Variants in PCMTD1 observed in about 807,000 individuals in gnomAD.
PCMTD1 encodes protein-L-isoaspartate O-methyltransferase domain-containing protein 1.
A neutral mutation model predicts 37.6 loss-of-function variants in PCMTD1; 12 were observed. The observed-to-expected ratio is 0.32, with a 90% CI of 0.20 to 0.52. The LOEUF (loss-of-function observed/expected upper bound fraction) is 0.52, where lower values mean the gene tolerates loss of function less well. Among genes scored for constraint, PCMTD1 ranks in the 20% least tolerant of loss-of-function variants. The pLI is 0.97. For synonymous variants in PCMTD1, 117 were observed against 135.8 expected (o/e 0.86, Z 0.96); for missense variants, 235 against 421.3 (o/e 0.56, Z 3.87).
chr8:51,893,893 T>C (rs2038967442), intron 1 of PCMTD1, among the ~76,000 whole-genome samples: 1 of 152,238 alleles, frequency 6.6e-6, no homozygotes, highest in African/African-American at 2.4e-5. Context: ...ATCATTTTCA[T>C]ACTTATTTAC....
chr8:51,824,442 C>T (rs952667534), intron 5 of PCMTD1, among the ~76,000 whole-genome samples: 4 of 152,128 alleles, frequency 2.6e-5, no homozygotes, highest in Non-Finnish European at 4.4e-5. Flanking sequence ...AACTCCCATT[C>T]GCAATTGCTA....
At chr8:51,838,519 T>A (rs2038099763) in intron 3 of PCMTD1, among the ~76,000 whole-genome samples, 1 of 152,036 alleles carries the variant, frequency 6.6e-6, no homozygotes, top group Non-Finnish European at 1.5e-5. Context: ...GGTAAATGTT[T>A]ACTGATATTT....
chr8:51,870,419 T>G (rs558984177), intron 1 of PCMTD1: 1 of 152,258 alleles, frequency 6.6e-6, no homozygotes, highest in South Asian at 2.1e-4. Flanking sequence ...GAAATATAAA[T>G]AAAGAATTAT....
chr8:51,856,786 T>C (rs932038387), intron 2 of PCMTD1, among the ~76,000 whole-genome samples: 3 of 152,296 alleles, frequency 2.0e-5, no homozygotes, highest in Non-Finnish European at 2.9e-5. Context: ...TTCATTTATA[T>C]GAAATGTCCA....
chr8:51,839,326 G>C (rs2038113038), intron 3 of PCMTD1: 1 of 360,294 alleles, frequency 2.8e-6, no homozygotes. Context: ...AAAAGTAATT[G>C]ACATACTCTT....
intron 1 of PCMTD1, among the ~76,000 whole-genome samples, chr8:51,885,479 T>G (rs920974705): frequency 1.9e-4 from 29 of 152,190 alleles, no homozygotes; most frequent in Non-Finnish European, 3.2e-4. Context: ...CCTTAGTGGC[T>G]TCATCTACTG....
At chr8:51,868,606 A>T (rs1450674245) in intron 1 of PCMTD1, among the ~76,000 whole-genome samples, 4 of 152,158 alleles carry the variant, frequency 2.6e-5, no homozygotes, top group Non-Finnish European at 5.9e-5. Flanking sequence ...ATAAAGCCAT[A>T]TGGAAAATTT....
rs71237255 is a variant in PCMTD1 at position 51,875,940 on chromosome 8, TTGTGTGTG to T, written c.-95-14702_-95-14695del. Among the ~76,000 whole-genome samples, 18 of 151,332 alleles carry T rather than the reference TTGTGTGTG, an allele frequency of 1.2e-4. No homozygotes were observed. In the South Asian group the frequency reaches 1.2e-3, roughly 10 times the overall value. On this transcript the variant is annotated intron_variant, in intron 1 of 5. Transcript: ENST00000522514. Reference sequence around the variant, plus strand: ...GAGCAAGACCATCTCAAAAATGTGTTTGTGTGTGTGTGTGTGTGTGTCTGTGTGTGTGT... The same window carrying T: ...GAGCAAGACCATCTCAAAAATGTGTTTGTGTGTGTGTGTCTGTGTGTGTGT...
At chr8:51,851,154 G>A (rs1346815067) in intron 2 of PCMTD1, among the ~76,000 whole-genome samples, 3 of 152,198 alleles carry the variant, frequency 2.0e-5, no homozygotes, top group Non-Finnish European at 2.9e-5. Context: ...GTCTTGCCAT[G>A]TTAGCTTGAC....
chr8:51,848,077 C>CGTA, intron 2 of PCMTD1, among the ~76,000 whole-genome samples: 1 of 151,318 alleles, frequency 6.6e-6, no homozygotes, highest in East Asian at 1.9e-4. Context: ...AGAGAGAGAC[C>CGTA]GTGGTTTTGT....
Position 51,833,613 on chromosome 8 carries a change from T to G in PCMTD1, c.487A>C (p.Ile163Leu), listed in dbSNP as rs564898010. 1 of 1,612,700 alleles carries G rather than the reference T, an allele frequency of 6.2e-7. No individual in the cohort carries two copies. Among genetic ancestry groups the G allele is most frequent in the East Asian group, 2.2e-5 (1 of 44,816 alleles). Reference protein sequence around the residue: ...IASDSHQYDRIYCGAGVQKDH... With the variant: ...IASDSHQYDRLYCGAGVQKDH... ...TTCTGCACTCCAGCTCCACAATAAA[T>G]TCGATCATACTGATGACTGTCAGAA... The change falls in exon 4 of 6, where the codon ATT becomes CTT. Residue 163 changes from isoleucine to leucine, a missense_variant. Physicochemically the swap from Ile to Leu is conservative, Grantham distance 5. Around this residue, in one of 3 missense-constraint regions of PCMTD1, gnomAD observed 183 missense variants for 349.3 expected, o/e 0.52. Transcript: ENST00000522514.
intron 1 of PCMTD1, among the ~76,000 whole-genome samples, chr8:51,872,857 T>C (rs1203974727): frequency 1.3e-5 from 2 of 152,224 alleles, no homozygotes; most frequent in Non-Finnish European, 2.9e-5. Flanking sequence ...AAAACTGGCC[T>C]TGTCACACTA....
intron 3 of PCMTD1, among the ~76,000 whole-genome samples, chr8:51,842,822 G>A (rs544494848): frequency 8.6e-5 from 13 of 151,770 alleles, no homozygotes; most frequent in South Asian, 2.1e-4. Context: ...GATCCAAACC[G>A]GCAGCATAAA....
rs1585773879 is a variant in PCMTD1 at position 51,818,678 on chromosome 8, C to A, written c.*1673G>T. ...TAGAAATAACCCCAATTCCACCATC[C>A]CAGCCACTGGTATAAAACAAATACC... On this transcript the variant is annotated 3_prime_UTR_variant, in exon 6 of 6. Transcript: ENST00000522514. The A allele has an allele frequency of 6.6e-6, 1 of 152,344 alleles. No individual in the cohort carries two copies. Among genetic ancestry groups the A allele is most frequent in the Admixed American group, 6.5e-5 (1 of 15,294 alleles). 9.4% of individuals were successfully genotyped at this position (152,344 alleles called of 1,614,324 possible). A position where few individuals can be genotyped will look rare whatever the true frequency, so the allele number is the denominator to read the frequency against.
intron 3 of PCMTD1, among the ~76,000 whole-genome samples, chr8:51,837,258 T>C (rs1356058331): frequency 2.6e-5 from 4 of 152,204 alleles, no homozygotes; most frequent in African/African-American, 9.6e-5. Context: ...ACTCCACTTC[T>C]AGCAAACACA....
rs12679655 is a variant in PCMTD1 at position 51,894,978 on chromosome 8, T to A, written c.-96+3952A>T. Among the ~76,000 whole-genome samples, 14 of 152,238 alleles carry A rather than the reference T, an allele frequency of 9.2e-5. No homozygotes were observed. The East Asian group carries it at 1.9e-3, about 21-fold the overall frequency. ...TACAAAATGACAGCTACTAAGTTGA[T>A]CAGGGAGAACAACATTGGCAAATCT... On this transcript the variant is annotated intron_variant, in intron 1 of 5. Coordinates refer to ENST00000522514, the MANE Select transcript of PCMTD1 (RefSeq NM_052937.4).
chr8:51,876,715 A>C (rs1448027319), intron 1 of PCMTD1, among the ~76,000 whole-genome samples: 1 of 152,226 alleles, frequency 6.6e-6, no homozygotes, highest in Non-Finnish European at 1.5e-5. Context: ...GGCCAAACTG[A>C]ATACATTTTG....
intron 5 of PCMTD1, among the ~76,000 whole-genome samples, chr8:51,825,917 A>AGTTCAACCATT (rs368531200): frequency 1.3e-5 from 2 of 152,138 alleles, no homozygotes; most frequent in Non-Finnish European, 2.9e-5. Context: ...AGTGTAAATT[A>AGTTCAACCATT]GTTCAACCAT....
intron 3 of PCMTD1, among the ~76,000 whole-genome samples, chr8:51,837,098 CTTA>C: frequency 6.6e-6 from 1 of 152,148 alleles, no homozygotes. Flanking sequence ...ATCAACCATC[CTTA>C]TTATTCTAGT....
Sources: gnomAD v4.1 joint callset for allele counts (sites outside exome capture counted in the v4.1 genomes callset) on GRCh38, gnomAD v4.1.1 for gene constraint, gnomAD v4.1.1 regional missense constraint, MANE v1.5 for transcripts, NCBI Gene and HGNC (gene_info 2026-07-23, HGNC 2026-07-21) for gene names.